The following NFATC3 variants were observed in gnomAD, a reference collection of about 807,000 sequenced individuals.
NFATC3 encodes the protein nuclear factor of activated T cells 3, also known as nuclear factor of activated T-cells, cytoplasmic 3.
Under a neutral mutation model 98.6 loss-of-function variants are expected in NFATC3, and 46 were observed. The ratio of observed to expected loss-of-function variants is 0.47; its 90% CI spans 0.37 to 0.60. The LOEUF (loss-of-function observed/expected upper bound fraction) is 0.60, where lower values mean the gene tolerates loss of function less well. Among genes scored for constraint, NFATC3 ranks in the 20% least tolerant of loss-of-function variants. NFATC3 has a pLI of 0.00. For missense variants in NFATC3, 1,256 were observed against 1,295.5 expected (o/e 0.97, Z 0.47); for synonymous variants, 512 against 472.2 (o/e 1.08, Z -1.09).
intron 9 of NFATC3, among the ~76,000 whole-genome samples, chr16:68,206,027 A>G (rs552330942): frequency 1.4e-4 from 21 of 151,678 alleles, no homozygotes; most frequent in African/African-American, 4.1e-4. Flanking sequence ...TTACTTTTCT[A>G]TTAGATTGTT....
rs961035921 is a variant in NFATC3, at chr16:68,221,488, T to C, written c.3107-4862T>C. 16 of 1,283,760 alleles carry C rather than the reference T, an allele frequency of 1.2e-5. No individual in the cohort carries two copies. In the African/African-American group the frequency reaches 2.4e-4, roughly 19 times the overall value. 79.5% of individuals were successfully genotyped at this position (1,283,760 alleles called of 1,614,324 possible). ...TGAGCATGATTTTTGTTGTCATTGT[T>C]CCAAGTCCCCAAATTGTTTTAAAGA... On this transcript the variant is annotated intron_variant, in intron 9 of 9. Coordinates refer to ENST00000346183, the MANE Select transcript of NFATC3 (RefSeq NM_173165.3).
intron 3 of NFATC3, among the ~76,000 whole-genome samples, chr16:68,149,020 T>C (rs1031584849): frequency 3.3e-5 from 5 of 152,044 alleles, no homozygotes; most frequent in Non-Finnish European, 7.4e-5. Flanking sequence ...TTAAATTGAA[T>C]TTAAAAAGGA....
intron 3 of NFATC3, among the ~76,000 whole-genome samples, chr16:68,144,987 C>T (rs889762470): frequency 6.6e-5 from 10 of 151,854 alleles, no homozygotes; most frequent in Admixed American, 1.3e-4. Context: ...AAATTTTTTT[C>T]GTAGAGATGG....
intron 1 of NFATC3, among the ~76,000 whole-genome samples, chr16:68,112,301 G>T (rs1417321948): frequency 4.9e-5 from 5 of 101,496 alleles, no homozygotes; most frequent in South Asian, 7.1e-4. Context: ...TTTTTGAGAT[G>T]GAGTCTTGCT....
chr16:68,140,950 T>C (rs2037719236), intron 3 of NFATC3, among the ~76,000 whole-genome samples: 1 of 152,138 alleles, frequency 6.6e-6, no homozygotes, highest in African/African-American at 2.4e-5. Context: ...CCCCCTCCTA[T>C]CCTACCCTCT....
intron 2 of NFATC3, among the ~76,000 whole-genome samples, chr16:68,123,660 A>C (rs773448796): frequency 1.3e-5 from 2 of 151,602 alleles, no homozygotes; most frequent in Admixed American, 1.3e-4. Context: ...AAAAAAAAAA[A>C]GTTTATTGTA....
At chr16:68,112,028 C>G (rs1278155108) in intron 1 of NFATC3, among the ~76,000 whole-genome samples, 5 of 151,960 alleles carry the variant, frequency 3.3e-5, no homozygotes. Flanking sequence ...GTGATCTGTC[C>G]TCTCTCCCTG....
At chr16:68,180,257 A>G (rs975086248) in intron 6 of NFATC3, among the ~76,000 whole-genome samples, 4 of 152,196 alleles carry the variant, frequency 2.6e-5, no homozygotes, top group African/African-American at 9.7e-5. Context: ...CTGAAATATA[A>G]TCTCACAGAG....
At chr16:68,138,594 G>A in intron 3 of NFATC3, 1 of 1,289,196 alleles carries the variant, frequency 7.8e-7, no homozygotes, top group Non-Finnish European at 1.0e-6. Context: ...TGTATGGAAA[G>A]CACTCAAGAT....
At chr16:68,135,166 A>C (rs2037323188) in intron 3 of NFATC3, among the ~76,000 whole-genome samples, 1 of 152,076 alleles carries the variant, frequency 6.6e-6, no homozygotes, top group Non-Finnish European at 1.5e-5. Flanking sequence ...TCTCAAATGA[A>C]ACTGAACTGT....
chr16:68,167,933 A>G (rs967743345), intron 5 of NFATC3, among the ~76,000 whole-genome samples: 13 of 143,704 alleles, frequency 9.0e-5, no homozygotes, highest in Admixed American at 1.5e-4. Flanking sequence ...CCTAGGTTCA[A>G]ACGATTCTCC....
At position 68,105,828 on chromosome 16, in the gene NFATC3, G is replaced by T. The variant is rs114561539; in HGVS notation, c.104-16159G>T. On this transcript the variant is annotated intron_variant, in intron 1 of 9. Transcript: ENST00000346183. ...GTAATCTCTGTATATCTAGGAGTTT[G>T]CTCATTCCTTCTAGATTGTCTAATT... is the stretch of plus-strand genomic sequence containing the variant. 5.6e-3 allele frequency among the ~76,000 whole-genome samples: 857 copies of T among 152,168 alleles called. 9 individuals carry two copies. The highest frequency in any genetic ancestry group is 0.019 in the African/African-American group (790 of 41,516).
At chr16:68,112,409 C>G (rs2036003057) in intron 1 of NFATC3, among the ~76,000 whole-genome samples, 1 of 149,968 alleles carries the variant, frequency 6.7e-6, no homozygotes, top group Non-Finnish European at 1.5e-5. Context: ...GCCCGAGTAG[C>G]TGGGACTACA....
chr16:68,215,683 TA>T (rs1177229701), intron 9 of NFATC3, among the ~76,000 whole-genome samples: 8 of 152,026 alleles, frequency 5.3e-5, no homozygotes. Flanking sequence ...TGAGTGTTTT[TA>T]TTTGCTTGCT....
intron 9 of NFATC3, among the ~76,000 whole-genome samples, chr16:68,219,623 A>G (rs1370752145): frequency 2.6e-5 from 4 of 152,186 alleles, no homozygotes; most frequent in African/African-American, 9.7e-5. Flanking sequence ...TTGTTTACCC[A>G]GGGGATGAAT....
chr16:68,172,244 G>T (rs2039502270), intron 5 of NFATC3, among the ~76,000 whole-genome samples: 1 of 152,132 alleles, frequency 6.6e-6, no homozygotes, highest in African/African-American at 2.4e-5. Context: ...GAGCTGTTGT[G>T]AGCTGGGAAT....
At chr16:68,102,799 C>G (rs777018236) in intron 1 of NFATC3, among the ~76,000 whole-genome samples, 1 of 152,192 alleles carries the variant, frequency 6.6e-6, no homozygotes, top group Non-Finnish European at 1.5e-5. Flanking sequence ...TCAGCTGTAT[C>G]ACTTTACATT....
At chr16:68,181,609 A>T in intron 7 of NFATC3, 79 bp downstream of exon 7, 1 of 1,091,992 alleles carries the variant, frequency 9.2e-7, no homozygotes, top group Non-Finnish European at 1.4e-6. Context: ...TATGGTATGG[A>T]TGACTCTTTT....
In NFATC3 at chr16:68,121,976, C is replaced by A; in HGVS notation, c.104-11C>A. On this transcript the variant is annotated splice_polypyrimidine_tract_variant and intron_variant, in intron 1 of 9. Transcript: ENST00000346183. ...TGTTGGGTTTTTTTTTTTTTGCCTT[C>A]CTCCCCGTAGATCTTGAGCCAGATG... 1 of 1,458,158 alleles carries A rather than the reference C, an allele frequency of 6.9e-7. No homozygotes were observed. The highest frequency in any genetic ancestry group is 1.5e-5 in the South Asian group (1 of 66,450). The allele number at this position is 1,458,158 out of a possible 1,614,324, so 90.3% of individuals were successfully genotyped here.
Sources: gnomAD v4.1 joint callset for allele counts (sites outside exome capture counted in the v4.1 genomes callset) on GRCh38, gnomAD v4.1.1 for gene constraint, MANE v1.5 for transcripts, NCBI Gene and HGNC (gene_info 2026-07-23, HGNC 2026-07-21) for gene names.